The following NKAIN3 variants were observed in gnomAD, a reference collection of about 807,000 sequenced individuals.
NKAIN3 encodes the protein sodium/potassium-transporting ATPase subunit beta-1-interacting protein 3.
In NKAIN3, 25 loss-of-function variants were observed where a neutral mutation model predicts 30.2. The observed-to-expected ratio is 0.83, with a 90% CI of 0.60 to 1.16. NKAIN3 has a LOEUF of 1.16. Among genes scored for constraint, NKAIN3 ranks in the 50% most tolerant of loss-of-function variants. NKAIN3 has a pLI of 0.00. For missense variants in NKAIN3, 225 were observed against 254.1 expected (o/e 0.89, Z 0.78); for synonymous variants, 91 against 89.6 (o/e 1.02, Z -0.09).
At position 62,566,572 on chromosome 8, in the gene NKAIN3, G is replaced by C. The variant is rs556053339; in HGVS notation, c.55-12967G>C. On this transcript the variant is annotated intron_variant, in intron 1 of 6. Transcript: ENST00000623646. ...GTATTTTTAAAAATGTTTTATGTTTGCATCACAATCTTTCCACATTACTTT... is the reference window on the plus strand; with the variant it reads ...GTATTTTTAAAAATGTTTTATGTTTCCATCACAATCTTTCCACATTACTTT... 7.2e-5 allele frequency among the ~76,000 whole-genome samples: 11 copies of C among 152,198 alleles called. No homozygotes were observed. In the South Asian group the frequency reaches 1.7e-3, roughly 23 times the overall value.
chr8:62,378,029 T>C (rs761636212), intron 1 of NKAIN3, among the ~76,000 whole-genome samples: 1 of 151,988 alleles, frequency 6.6e-6, no homozygotes, highest in African/African-American at 2.4e-5. Context: ...GACAGGAAAA[T>C]GTAGAAAAGT....
At chr8:62,690,602 T>C (rs112706445) in intron 3 of NKAIN3, among the ~76,000 whole-genome samples, 5,057 of 152,246 alleles carry the variant, frequency 0.033, 113 homozygotes, top group Middle Eastern at 0.072. Context: ...CTGGCAGCAC[T>C]GAAGAGTAGA....
At chr8:62,326,032 A>G (rs535207772) in intron 1 of NKAIN3, among the ~76,000 whole-genome samples, 1 of 151,958 alleles carries the variant, frequency 6.6e-6, no homozygotes, top group South Asian at 2.1e-4. Context: ...GCTCCCATTT[A>G]TTAGTTTTAT....
chr8:62,752,388 T>G (rs1816310235), intron 4 of NKAIN3, among the ~76,000 whole-genome samples: 1 of 152,232 alleles, frequency 6.6e-6, no homozygotes, highest in African/African-American at 2.4e-5. Context: ...AATTCTCATT[T>G]CTTTAATCCC....
Position 62,261,751 on chromosome 8 carries a change from A to G in NKAIN3, c.54+12624A>G, listed in dbSNP as rs193182280. Reference sequence around the variant, plus strand: ...GAGCACACCAAAACTTATTTAGCTCATAAAATTTCTTTTCTAATTATTTTA... The same window carrying G: ...GAGCACACCAAAACTTATTTAGCTCGTAAAATTTCTTTTCTAATTATTTTA... On this transcript the variant is annotated intron_variant, in intron 1 of 6. Transcript: ENST00000623646. Among the ~76,000 whole-genome samples, 449 of 152,360 alleles carry G rather than the reference A, an allele frequency of 2.9e-3. 1 individual carries two copies. The highest frequency in any genetic ancestry group is 4.2e-3 in the Non-Finnish European group (283 of 68,030).
intron 5 of NKAIN3, among the ~76,000 whole-genome samples, chr8:62,937,017 A>G (rs1822805719): frequency 6.6e-6 from 1 of 151,982 alleles, no homozygotes; most frequent in Non-Finnish European, 1.5e-5. Flanking sequence ...TATATTATAT[A>G]TTAAGCATCT....
chr8:62,477,615 T>C (rs1213307349), intron 1 of NKAIN3, among the ~76,000 whole-genome samples: 1 of 152,144 alleles, frequency 6.6e-6, no homozygotes, highest in African/African-American at 2.4e-5. Context: ...TGAGGATGCT[T>C]GCTTCATTTT....
At chr8:62,409,128 A>G (rs969676698) in intron 1 of NKAIN3, among the ~76,000 whole-genome samples, 8 of 151,680 alleles carry the variant, frequency 5.3e-5, no homozygotes, top group Admixed American at 2.0e-4. Context: ...GTTCTGTGCT[A>G]TTTTTGTCAC....
At chr8:62,570,761 C>A (rs1319095025) in intron 1 of NKAIN3, among the ~76,000 whole-genome samples, 1 of 152,086 alleles carries the variant, frequency 6.6e-6, no homozygotes. Context: ...CTCATCACAT[C>A]TTAAAACCAA....
intron 1 of NKAIN3, among the ~76,000 whole-genome samples, chr8:62,265,190 G>A (rs1316205068): frequency 2.0e-5 from 3 of 152,056 alleles, no homozygotes; most frequent in South Asian, 2.1e-4. Flanking sequence ...CTGCTACCTC[G>A]GGCTTGAGAG....
At position 62,588,957 on chromosome 8, in the gene NKAIN3, C is replaced by A. The variant is rs968221323; in HGVS notation, c.193-757C>A. 2.6e-5 allele frequency among the ~76,000 whole-genome samples: 4 copies of A among 151,820 alleles called. No homozygotes were observed. In the East Asian group the frequency reaches 5.8e-4, roughly 22 times the overall value. On this transcript the variant is annotated intron_variant, in intron 2 of 6. Transcript: ENST00000623646. ...AGGAGCCATAGTCCAATCATTGATT[C>A]TCCATTGATGAGTCTCTCGATCTAG...
chr8:62,888,321 G>A (rs939296955), intron 4 of NKAIN3, among the ~76,000 whole-genome samples: 1 of 152,184 alleles, frequency 6.6e-6, no homozygotes, highest in African/African-American at 2.4e-5. Context: ...CCTGCTGAGG[G>A]CACAAGGGGA....
intron 1 of NKAIN3, among the ~76,000 whole-genome samples, chr8:62,465,483 C>T (rs1299157364): frequency 6.6e-6 from 1 of 152,176 alleles, no homozygotes; most frequent in South Asian, 2.1e-4. Context: ...TTTTCCCGTC[C>T]ATTCAGACTT....
intron 1 of NKAIN3, among the ~76,000 whole-genome samples, chr8:62,505,234 C>A (rs978465047): frequency 6.6e-6 from 1 of 152,180 alleles, no homozygotes; most frequent in African/African-American, 2.4e-5. Flanking sequence ...TTAATTCATT[C>A]ACTTCACAAA....
intron 4 of NKAIN3, among the ~76,000 whole-genome samples, chr8:62,804,874 G>T (rs1196793304): frequency 6.6e-6 from 1 of 152,222 alleles, no homozygotes; most frequent in Non-Finnish European, 1.5e-5. Context: ...CCTGTTTGCA[G>T]AGGACATGAT....
At chr8:62,303,711 A>G (rs1441374729) in intron 1 of NKAIN3, among the ~76,000 whole-genome samples, 1 of 150,632 alleles carries the variant, frequency 6.6e-6, no homozygotes, top group Admixed American at 6.6e-5. Context: ...TTCAAATTCC[A>G]AGTCAAATTG....
intron 1 of NKAIN3, among the ~76,000 whole-genome samples, chr8:62,337,224 C>A (rs1815583707): frequency 6.6e-6 from 1 of 151,950 alleles, no homozygotes; most frequent in South Asian, 2.1e-4. Flanking sequence ...TTTCACTGGT[C>A]AATGCAATCA....
At position 62,971,530 on chromosome 8, in the gene NKAIN3, G is replaced by A. The variant is rs111620542; in HGVS notation, c.*6123G>A. ...TGCCTATAGTCCCAGCTACTTGGGAGGTTGAAGTAGGAGGGTTGTTTGAAC... is the reference window on the plus strand; with the variant it reads ...TGCCTATAGTCCCAGCTACTTGGGAAGTTGAAGTAGGAGGGTTGTTTGAAC... On this transcript the variant is annotated 3_prime_UTR_variant, in exon 7 of 7. Transcript: ENST00000623646. Among the ~76,000 whole-genome samples, 32,583 of 151,752 alleles carry A rather than the reference G, an allele frequency of 0.21. 4,278 individuals carry two copies. The highest frequency in any genetic ancestry group is 0.34 in the South Asian group (1,632 of 4,788).
rs190528664 is a variant in NKAIN3, at chr8:62,834,970, A to G, written c.472-83483A>G. Reference sequence around the variant, plus strand: ...GTAATCAAAACAGCATGGTACTGGTACAAAAACAGACAGACCAATGGAACT... The same window carrying G: ...GTAATCAAAACAGCATGGTACTGGTGCAAAAACAGACAGACCAATGGAACT... On this transcript the variant is annotated intron_variant, in intron 4 of 6. Transcript: ENST00000623646. Among the ~76,000 whole-genome samples, 4 of 152,296 alleles carry G rather than the reference A, an allele frequency of 2.6e-5. No homozygotes were observed. In the East Asian group the frequency reaches 7.7e-4, roughly 29 times the overall value.
Sources: allele counts gnomAD v4.1 joint callset (sites outside exome capture counted in the v4.1 genomes callset), GRCh38; gene constraint gnomAD v4.1.1; transcripts MANE v1.5; gene names NCBI Gene and HGNC (gene_info 2026-07-23, HGNC 2026-07-21).